Variants in PPP1R9A observed in about 807,000 individuals in gnomAD.
PPP1R9A encodes the protein protein phosphatase 1 regulatory subunit 9A.
A neutral mutation model predicts 141.9 loss-of-function variants in PPP1R9A; 59 were observed. The observed-to-expected ratio is 0.42, with a 90% CI of 0.34 to 0.52. The LOEUF (loss-of-function observed/expected upper bound fraction) is 0.52, where lower values mean the gene tolerates loss of function less well. Among genes scored for constraint, PPP1R9A ranks in the 20% least tolerant of loss-of-function variants. The pLI is 0.10. For synonymous variants in PPP1R9A, 500 were observed against 569.7 expected (o/e 0.88, Z 1.74); for missense variants, 1,444 against 1,611.9 (o/e 0.90, Z 1.78).
At chr7:95,287,691 C>CT (rs1805605345) in intron 18 of PPP1R9A, among the ~76,000 whole-genome samples, 1 of 152,044 alleles carries the variant, frequency 6.6e-6, no homozygotes, top group South Asian at 2.1e-4. Flanking sequence ...TTCCTTGTTT[C>CT]TTTTTTTGTT....
chr7:95,061,128 T>G (rs1299790122), intron 2 of PPP1R9A, among the ~76,000 whole-genome samples: 1 of 152,290 alleles, frequency 6.6e-6, no homozygotes, highest in South Asian at 2.1e-4. Context: ...AAGAAAATCA[T>G]TTGTGTTATA....
intron 2 of PPP1R9A, among the ~76,000 whole-genome samples, chr7:95,073,050 A>C (rs1029204712): frequency 6.8e-6 from 1 of 146,294 alleles, no homozygotes; most frequent in Admixed American, 7.2e-5. Flanking sequence ...CACTGGTGCA[A>C]TCTTGGCTCA....
Position 95,243,431 on chromosome 7 carries a change from T to C in PPP1R9A, c.2113-4042T>C, listed in dbSNP as rs189929141. Among the ~76,000 whole-genome samples, 138 of 152,268 alleles carry C rather than the reference T, an allele frequency of 9.1e-4. 2 individuals are homozygous for C. The highest frequency in any genetic ancestry group is 8.1e-3 in the Admixed American group (123 of 15,274). ...TTATTAAGGGAGGTGGAGGTCTGCTTTCTAAGCTTCATTAATAATAACAGC... is the reference window on the plus strand; with the variant it reads ...TTATTAAGGGAGGTGGAGGTCTGCTCTCTAAGCTTCATTAATAATAACAGC... On this transcript the variant is annotated intron_variant, in intron 8 of 19. Coordinates refer to ENST00000433360, the MANE Select transcript of PPP1R9A (RefSeq NM_001166160.2).
chr7:94,968,139 G>T (rs555612711), intron 2 of PPP1R9A, among the ~76,000 whole-genome samples: 3 of 151,982 alleles, frequency 2.0e-5, no homozygotes, highest in Non-Finnish European at 2.9e-5. Context: ...TCTTCTTGTC[G>T]CATTGATCCC....
At chr7:94,954,834 CGTGTGTGTGTGT>C (rs66968535) in intron 2 of PPP1R9A, among the ~76,000 whole-genome samples, 11,166 of 146,370 alleles carry the variant, frequency 0.076, 492 homozygotes, top group Admixed American at 0.14. Flanking sequence ...TGTAAATATG[CGTGTGTGTGTGT>C]GTGTGTGTGT....
chr7:95,062,678 G>A (rs564888265), intron 2 of PPP1R9A, among the ~76,000 whole-genome samples: 25 of 151,970 alleles, frequency 1.6e-4, no homozygotes, highest in African/African-American at 5.5e-4. Context: ...GTGAGCCACC[G>A]CACCCGGCCA....
chr7:95,023,904 G>A (rs773527406), intron 2 of PPP1R9A, among the ~76,000 whole-genome samples: 2 of 152,252 alleles, frequency 1.3e-5, no homozygotes, highest in East Asian at 1.9e-4. Context: ...GATCTTTCCT[G>A]CTTTCTCTTG....
intron 5 of PPP1R9A, among the ~76,000 whole-genome samples, chr7:95,188,479 C>A (rs1163025573): frequency 6.6e-6 from 1 of 152,078 alleles, no homozygotes; most frequent in Non-Finnish European, 1.5e-5. Flanking sequence ...AGGTCATTTA[C>A]ACTCAGTGTT....
intron 2 of PPP1R9A, among the ~76,000 whole-genome samples, chr7:95,072,884 A>T (rs1262586602): frequency 1.7e-5 from 2 of 116,306 alleles, no homozygotes; most frequent in Non-Finnish European, 3.3e-5. Flanking sequence ...ATATTATATA[A>T]TATACCATAT....
intron 7 of PPP1R9A, among the ~76,000 whole-genome samples, chr7:95,215,605 C>A (rs1029634973): frequency 2.5e-4 from 38 of 152,302 alleles, no homozygotes; most frequent in African/African-American, 8.9e-4. Flanking sequence ...AAAAGTGTTC[C>A]TATTTCTCCA....
chr7:95,169,187 G>A lies in PPP1R9A; in HGVS notation c.1754+7216G>A, dbSNP rs114838911. Among the ~76,000 whole-genome samples, 1,239 of 151,854 alleles carry A rather than the reference G, an allele frequency of 8.2e-3. 11 individuals are homozygous for A. Among genetic ancestry groups the A allele is most frequent in the African/African-American group, 0.029 (1,188 of 41,466 alleles). Reference sequence around the variant, plus strand: ...ATTTTTTTAAGTGGTATATATACACGGTGAAATACTATTTTGCCATAAAAA... The same window carrying A: ...ATTTTTTTAAGTGGTATATATACACAGTGAAATACTATTTTGCCATAAAAA... On this transcript the variant is annotated intron_variant, in intron 5 of 19. Transcript: ENST00000433360.
chr7:95,230,131 G>A (rs977148126), intron 8 of PPP1R9A, among the ~76,000 whole-genome samples: 2 of 152,134 alleles, frequency 1.3e-5, no homozygotes, highest in Non-Finnish European at 2.9e-5. Flanking sequence ...CCAAATCAAG[G>A]CAGCACACTG....
intron 2 of PPP1R9A, among the ~76,000 whole-genome samples, chr7:94,961,762 A>G (rs1161407392): frequency 6.6e-6 from 1 of 151,952 alleles, no homozygotes. Context: ...TTATCGTTTA[A>G]CACATTCATG....
intron 2 of PPP1R9A, among the ~76,000 whole-genome samples, chr7:94,964,082 G>T (rs1438127942): frequency 6.6e-6 from 1 of 152,156 alleles, no homozygotes; most frequent in African/African-American, 2.4e-5. Flanking sequence ...GTCACAAGAA[G>T]TCAGGTGTGG....
chr7:94,917,630 ACTC>A (rs1792256430), intron 2 of PPP1R9A, among the ~76,000 whole-genome samples: 1 of 148,728 alleles, frequency 6.7e-6, no homozygotes, highest in Admixed American at 6.7e-5. Context: ...CTTGTCTTGA[ACTC>A]CTGGGTTCAA....
chr7:95,002,548 T>A (rs113603283), intron 2 of PPP1R9A, among the ~76,000 whole-genome samples: 96 of 152,168 alleles, frequency 6.3e-4, no homozygotes, highest in African/African-American at 2.2e-3. Flanking sequence ...AACTTAGACG[T>A]GATGTTGCAT....
chr7:95,235,630 A>G (rs1461274520), intron 8 of PPP1R9A, among the ~76,000 whole-genome samples: 1 of 152,234 alleles, frequency 6.6e-6, no homozygotes, highest in Non-Finnish European at 1.5e-5. Flanking sequence ...TTAAAGAACT[A>G]AAAGTAGATC....
At chr7:95,105,657 A>G (rs1819410221) in intron 2 of PPP1R9A, among the ~76,000 whole-genome samples, 2 of 152,224 alleles carry the variant, frequency 1.3e-5, no homozygotes, top group South Asian at 4.1e-4. Flanking sequence ...TACCAGGAGG[A>G]GTCATGCTCT....
chr7:94,922,618 C>T (rs1792986572), intron 2 of PPP1R9A, among the ~76,000 whole-genome samples: 1 of 152,080 alleles, frequency 6.6e-6, no homozygotes, highest in Non-Finnish European at 1.5e-5. Flanking sequence ...GATGTAAATA[C>T]TTCATAGTAA....
Sources: gnomAD v4.1 joint callset for allele counts (sites outside exome capture counted in the v4.1 genomes callset) on GRCh38, gnomAD v4.1.1 for gene constraint, MANE v1.5 for transcripts, NCBI Gene and HGNC (gene_info 2026-07-23, HGNC 2026-07-21) for gene names.